Variants in RAB14 observed in about 807,000 individuals in gnomAD.
RAB14 encodes the protein RAB14, member RAS oncogene family, also known as ras-related protein Rab-14.
In RAB14, 3 loss-of-function variants were observed where a neutral mutation model predicts 31.1. The ratio of observed to expected loss-of-function variants is 0.10; its 90% CI spans 0.04 to 0.25. The LOEUF is 0.25. Ranked by LOEUF, RAB14 falls within the 10% of genes least tolerant of loss-of-function variation. The pLI, the probability that RAB14 is intolerant of heterozygous loss-of-function variation, is 1.00. For synonymous variants in RAB14, 85 were observed against 84.9 expected, an observed-to-expected ratio of 1.00 and a Z score of 0.00; for missense variants, 111 against 260.1, an observed-to-expected ratio of 0.43 and a Z score of 3.94.
chr9:121,185,057 C>G (rs1002420197), intron 5 of RAB14, among the ~76,000 whole-genome samples: 2 of 152,160 alleles, frequency 1.3e-5, no homozygotes, highest in Non-Finnish European at 2.9e-5. Context: ...ACACAGAAAT[C>G]AAGGGCAATT....
intron 2 of RAB14, 81 bp downstream of exon 2, chr9:121,193,280 G>A (rs2053696598): frequency 2.2e-6 from 2 of 917,376 alleles, no homozygotes; most frequent in African/African-American, 3.4e-5. Flanking sequence ...TCCTGAAGTG[G>A]TACTGTTTAA....
At chr9:121,197,674 C>T (rs1028256022) in intron 1 of RAB14, among the ~76,000 whole-genome samples, 9 of 152,330 alleles carry the variant, frequency 5.9e-5, no homozygotes, top group Non-Finnish European at 1.2e-4. Context: ...TTCATACATA[C>T]TGCTTGTGGA....
chr9:121,201,362 C>G (rs2053776439), intron 1 of RAB14, among the ~76,000 whole-genome samples: 1 of 152,112 alleles, frequency 6.6e-6, no homozygotes, highest in Non-Finnish European at 1.5e-5. Context: ...GGAACACACC[C>G]TTCCCTGCAC....
intron 1 of RAB14, among the ~76,000 whole-genome samples, chr9:121,201,227 G>T (rs1014095277): frequency 1.4e-4 from 22 of 152,202 alleles, no homozygotes; most frequent in Non-Finnish European, 2.5e-4. Context: ...GCTGCAGGGC[G>T]GCGCGGCACG....
intron 4 of RAB14, among the ~76,000 whole-genome samples, chr9:121,188,460 ATTAAT>A (rs1258439714): frequency 1.3e-5 from 2 of 151,704 alleles, no homozygotes; most frequent in Admixed American, 6.6e-5. Flanking sequence ...GGTAATTGTT[ATTAAT>A]TTAATATTCA....
Position 121,186,994 on chromosome 9 carries a change from T to C in RAB14, c.310A>G (p.Ser104Gly). The change falls in exon 5 of 8, where the codon AGC (serine) becomes GGC (glycine). Residue 104 changes from serine to glycine, a missense_variant. Ser to Gly is a moderately conservative substitution (Grantham distance 56). Transcript: ENST00000373840. ...TRRSTYNHLS[S>G]WLTDARNLTN... is the part of the protein sequence containing the mutation. ...AGATTCCTTGCATCTGTCAACCAGC[T>C]GCTTAAGTGGTTATATGTACTTCTT... 6.4e-7 allele frequency: 1 copy of C among 1,570,030 alleles called. No homozygotes were observed. Among genetic ancestry groups the C allele is most frequent in the Non-Finnish European group, 8.6e-7 (1 of 1,158,536 alleles).
At chr9:121,194,977 C>G (rs1433168400) in intron 1 of RAB14, among the ~76,000 whole-genome samples, 1 of 152,118 alleles carries the variant, frequency 6.6e-6, no homozygotes, top group Non-Finnish European at 1.5e-5. Flanking sequence ...AATCAGTCTC[C>G]TGCATCACAG....
chr9:121,182,413 T>A (rs913123944), intron 7 of RAB14, among the ~76,000 whole-genome samples: 25 of 152,348 alleles, frequency 1.6e-4, no homozygotes, highest in Admixed American at 1.0e-3. Flanking sequence ...TAGCCTCTCC[T>A]CACCACAAGA....
intron 1 of RAB14, among the ~76,000 whole-genome samples, chr9:121,201,383 G>A (rs1158719543): frequency 1.3e-5 from 2 of 152,190 alleles, no homozygotes; most frequent in Non-Finnish European, 2.9e-5. Flanking sequence ...GCCTCGGAGC[G>A]CCCCGCCGGT....
intron 4 of RAB14, among the ~76,000 whole-genome samples, chr9:121,189,796 TTACC>T (rs957426581): frequency 1.3e-5 from 2 of 152,142 alleles, no homozygotes; most frequent in Admixed American, 6.6e-5. Context: ...TCGCCCATCT[TTACC>T]CCCAAGAAAC....
chr9:121,186,960 G>T lies in RAB14; in HGVS notation c.344C>A (p.Pro115Gln). Reference sequence around the variant, plus strand: ...AGATGCCATTTAACTTACAGTATTTGGATTGGTGAGATTCCTTGCATCTGT... The same window carrying T: ...AGATGCCATTTAACTTACAGTATTTTGATTGGTGAGATTCCTTGCATCTGT... ...WLTDARNLTN[P>Q]NTVIILIGNK... Residue 115 changes from proline (P) to glutamine (Q), a missense_variant, in exon 5 of 8, where the codon CCA becomes CAA. Coordinates refer to ENST00000373840, the MANE Select transcript of RAB14 (RefSeq NM_016322.4). 1 of 1,555,466 alleles carries T rather than the reference G, an allele frequency of 6.4e-7. No individual in the cohort carries two copies.
At chr9:121,182,339 C>T (rs530930647) in intron 7 of RAB14, among the ~76,000 whole-genome samples, 1 of 152,306 alleles carries the variant, frequency 6.6e-6, no homozygotes, top group East Asian at 1.9e-4. Flanking sequence ...TGCTTAGCCA[C>T]GTTAACACCT....
intron 7 of RAB14, among the ~76,000 whole-genome samples, chr9:121,182,672 G>A (rs1360745584): frequency 2.0e-5 from 3 of 152,116 alleles, no homozygotes; most frequent in African/African-American, 7.2e-5. Context: ...CTTTTGAAAT[G>A]TAAACAAAGT....
In RAB14 at chr9:121,186,976, T is replaced by C; in HGVS notation, c.328A>G (p.Arg110Gly). 6.4e-7 allele frequency: 1 copy of C among 1,568,322 alleles called. No homozygotes were observed. The highest frequency in any genetic ancestry group is 8.6e-7 in the Non-Finnish European group (1 of 1,158,180). Residue 110 changes from arginine to glycine, a missense_variant, in exon 5 of 8, where the codon AGG becomes GGG. Coordinates refer to ENST00000373840, the MANE Select transcript of RAB14 (RefSeq NM_016322.4). Reference protein sequence around the residue: ...NHLSSWLTDARNLTNPNTVII... With the variant: ...NHLSSWLTDAGNLTNPNTVII... ...ACAGTATTTGGATTGGTGAGATTCC[T>C]TGCATCTGTCAACCAGCTGCTTAAG... is the stretch of plus-strand genomic sequence containing the variant.
chr9:121,200,291 G>C (rs2132032857), intron 1 of RAB14, among the ~76,000 whole-genome samples: 1 of 152,324 alleles, frequency 6.6e-6, no homozygotes, highest in Non-Finnish European at 1.5e-5. Flanking sequence ...TTACTGCAAG[G>C]TCAAGTTTGT....
intron 7 of RAB14, 74 bp from the exon 8 acceptor site, chr9:121,181,647 T>C (rs2053633602): frequency 1.6e-6 from 2 of 1,260,040 alleles, no homozygotes; most frequent in Non-Finnish European, 1.1e-6. Context: ...CTTTTGCTAA[T>C]CTTTAGTTAA....
intron 1 of RAB14, among the ~76,000 whole-genome samples, chr9:121,201,283 G>C (rs975133783): frequency 6.6e-6 from 1 of 152,146 alleles, no homozygotes; most frequent in Non-Finnish European, 1.5e-5. Flanking sequence ...GGGGAACAGC[G>C]GCGAGAGGGG....
rs530761109 is a variant in RAB14 at position 121,178,938 on chromosome 9, C to T, written c.*2458G>A. The stretch of plus-strand genomic sequence containing the variant: ...AGTGTACTGCCCGGTGTCTGGCACA[C>T]GCATGTTACAATATGACAATCTGCT... On this transcript the variant is annotated 3_prime_UTR_variant, in exon 8 of 8. Coordinates refer to ENST00000373840, the MANE Select transcript of RAB14 (RefSeq NM_016322.4). The T allele has an allele frequency of 3.9e-5, 6 of 152,260 alleles. No individual in the cohort carries two copies. The South Asian group carries it at 6.2e-4, about 16-fold the overall frequency. The allele number at this position is 152,260 out of a possible 1,614,324, so 9.4% of individuals were successfully genotyped here.
At chr9:121,185,594 A>C (rs2053654418) in intron 5 of RAB14, among the ~76,000 whole-genome samples, 2 of 151,964 alleles carry the variant, frequency 1.3e-5, no homozygotes, top group African/African-American at 4.8e-5. Flanking sequence ...GGCAATCACT[A>C]ATCTACTCCC....
Sources: allele counts gnomAD v4.1 joint callset (sites outside exome capture counted in the v4.1 genomes callset), GRCh38; gene constraint gnomAD v4.1.1; transcripts MANE v1.5; gene names NCBI Gene and HGNC (gene_info 2026-07-23, HGNC 2026-07-21).